Variants in RYR2 observed in about 807,000 individuals in gnomAD.
RYR2 encodes cardiac muscle ryanodine receptor-calcium release channel.
A neutral mutation model predicts 601.1 loss-of-function variants in RYR2; 227 were observed. The observed-to-expected ratio is 0.38, with a 90% CI of 0.34 to 0.42. The LOEUF (loss-of-function observed/expected upper bound fraction) is 0.42. Among genes scored for constraint, RYR2 ranks in the 10% least tolerant of loss-of-function variants. The pLI is 1.00. For synonymous variants in RYR2, 2,223 were observed against 2,175.1 expected (o/e 1.02, Z -0.61); for missense variants, 4,646 against 6,156.5 (o/e 0.75, Z 8.21).
At chr1:237,105,432 T>C (rs1309542586) in intron 1 of RYR2, among the ~76,000 whole-genome samples, 1 of 152,140 alleles carries the variant, frequency 6.6e-6, no homozygotes, top group African/African-American at 2.4e-5. Flanking sequence ...CACAATGGCT[T>C]ACACCTGTAA....
In RYR2 at chr1:237,105,881, C is replaced by T. The variant is rs1161152496; in HGVS notation, c.48+63312C>T. Among the ~76,000 whole-genome samples the T allele has an allele frequency of 3.4e-5, 5 of 148,770 alleles. No homozygotes were observed. The East Asian group carries it at 9.8e-4, about 29-fold the overall frequency. On this transcript the variant is annotated intron_variant, in intron 1 of 104. Coordinates refer to ENST00000366574, the MANE Select transcript of RYR2 (RefSeq NM_001035.3). The stretch of plus-strand genomic sequence containing the variant: ...AAATCCAAACAAAAAACATAGTTAT[C>T]AGAGTGGGTCTCTTTGAGATAGTAG...
intron 1 of RYR2, among the ~76,000 whole-genome samples, chr1:237,244,251 A>G (rs1428265637): frequency 1.3e-5 from 2 of 152,198 alleles, no homozygotes; most frequent in African/African-American, 4.8e-5. Context: ...AATTTAGAAA[A>G]TAAATCATCT....
chr1:237,733,114 T>G (rs2149172514), intron 78 of RYR2, among the ~76,000 whole-genome samples: 1 of 152,322 alleles, frequency 6.6e-6, no homozygotes, highest in Non-Finnish European at 1.5e-5. Context: ...GAGGTATTTC[T>G]CATAAGTGAA....
intron 1 of RYR2, among the ~76,000 whole-genome samples, chr1:237,121,427 A>G (rs1670765471): frequency 6.6e-6 from 1 of 152,224 alleles, no homozygotes; most frequent in Non-Finnish European, 1.5e-5. Context: ...TTGATCGAGG[A>G]GAAAGCTGTT....
chr1:237,451,761 A>C (rs1053363426), intron 14 of RYR2, among the ~76,000 whole-genome samples: 1 of 152,074 alleles, frequency 6.6e-6, no homozygotes, highest in African/African-American at 2.4e-5. Context: ...TATTTTTACA[A>C]TATTTTCACC....
chr1:237,456,547 G>A (rs557316657), intron 15 of RYR2, 53 bp from the exon 16 acceptor site: 2 of 1,445,966 alleles, frequency 1.4e-6, no homozygotes, highest in South Asian at 3.2e-5. Context: ...TCTGTAAGCA[G>A]AATGACAGTT....
chr1:237,689,380 C>T (rs967752427), intron 63 of RYR2, among the ~76,000 whole-genome samples: 2 of 152,188 alleles, frequency 1.3e-5, no homozygotes, highest in African/African-American at 4.8e-5. Flanking sequence ...GGAGCCTCCC[C>T]TGTGTCATTT....
At chr1:237,090,032 G>A (rs968461255) in intron 1 of RYR2, among the ~76,000 whole-genome samples, 8 of 152,268 alleles carry the variant, frequency 5.3e-5, no homozygotes, top group African/African-American at 1.7e-4. Flanking sequence ...TTCACAGGGC[G>A]GCAGGAGAGA....
intron 57 of RYR2, 42 bp from the exon 58 acceptor site, chr1:237,667,841 T>G: frequency 7.0e-7 from 1 of 1,436,444 alleles, no homozygotes; most frequent in Non-Finnish European, 9.5e-7. Flanking sequence ...AATATTATCC[T>G]TTTTTACTTA....
intron 86 of RYR2, among the ~76,000 whole-genome samples, chr1:237,773,067 C>A (rs2149317853): frequency 6.6e-6 from 1 of 152,242 alleles, no homozygotes; most frequent in East Asian, 1.9e-4. Flanking sequence ...GACACAAAAG[C>A]CATGGATATC....
At chr1:237,794,623 G>A (rs1658871318) in intron 95 of RYR2, among the ~76,000 whole-genome samples, 1 of 152,170 alleles carries the variant, frequency 6.6e-6, no homozygotes, top group Admixed American at 6.6e-5. Context: ...TGCAATAGTT[G>A]TAATAGTTTA....
At chr1:237,593,236 T>A (rs1675429968) in intron 32 of RYR2, among the ~76,000 whole-genome samples, 1 of 152,226 alleles carries the variant, frequency 6.6e-6, no homozygotes, top group Admixed American at 6.5e-5. Flanking sequence ...TTTGCTCAGA[T>A]CACATCTTTT....
At chr1:237,581,813 G>T (rs891180962) in intron 29 of RYR2, among the ~76,000 whole-genome samples, 1 of 152,046 alleles carries the variant, frequency 6.6e-6, no homozygotes, top group African/African-American at 2.4e-5. Flanking sequence ...CTTATTATTG[G>T]GAATCTCCTT....
At chr1:237,226,854 C>T (rs544185062) in intron 1 of RYR2, among the ~76,000 whole-genome samples, 146 of 152,166 alleles carry the variant, frequency 9.6e-4, no homozygotes, top group African/African-American at 3.4e-3. Flanking sequence ...CTGCAACCTC[C>T]GCCTCCCGGG....
intron 100 of RYR2, among the ~76,000 whole-genome samples, chr1:237,816,420 C>A (rs1021028167): frequency 1.3e-5 from 2 of 152,138 alleles, no homozygotes; most frequent in African/African-American, 2.4e-5. Flanking sequence ...CACGGTGACT[C>A]AACGCCAGTA....
chr1:237,424,955 T>C (rs1471865136), intron 12 of RYR2, among the ~76,000 whole-genome samples: 1 of 152,190 alleles, frequency 6.6e-6, no homozygotes, highest in Non-Finnish European at 1.5e-5. Flanking sequence ...ATAGAGAACA[T>C]TAATTTTGCT....
chr1:237,566,423 A>T (rs1020425834), intron 27 of RYR2, 144 bp from the exon 28 acceptor site: 3 of 840,470 alleles, frequency 3.6e-6, no homozygotes, highest in African/African-American at 3.4e-5. Context: ...ATGGGAAAGA[A>T]GATAAGAAGG....
At chr1:237,493,872 C>A (rs1663721090) in intron 19 of RYR2, among the ~76,000 whole-genome samples, 2 of 152,164 alleles carry the variant, frequency 1.3e-5, no homozygotes, top group Non-Finnish European at 2.9e-5. Context: ...TTCCAAGGCA[C>A]CTAACGTTCA....
intron 1 of RYR2, among the ~76,000 whole-genome samples, chr1:237,234,784 A>C (rs912739814): frequency 6.6e-6 from 1 of 152,220 alleles, no homozygotes; most frequent in African/African-American, 2.4e-5. Flanking sequence ...TTCATTTAGC[A>C]ACATTTTGGG....
Sources: allele counts gnomAD v4.1 joint callset (sites outside exome capture counted in the v4.1 genomes callset), GRCh38; gene constraint gnomAD v4.1.1; transcripts MANE v1.5; gene names NCBI Gene and HGNC (gene_info 2026-07-23, HGNC 2026-07-21).